CGNL1: variants seen among roughly 807,000 people sequenced by gnomAD.
CGNL1 encodes the protein cingulin like 1.
CGNL1 carries 132 observed loss-of-function variants against 141.2 expected under a neutral mutation model. The ratio of observed to expected loss-of-function variants is 0.93; its 90% CI spans 0.81 to 1.08. CGNL1 has a LOEUF of 1.08. CGNL1 is among the 50% of genes least tolerant of loss of function. The pLI, the probability that CGNL1 is intolerant of heterozygous loss-of-function variation, is 0.00. For synonymous variants in CGNL1, 690 were observed against 622.1 expected, an observed-to-expected ratio of 1.11 and a Z score of -1.63; for missense variants, 1,870 against 1,588.6, an observed-to-expected ratio of 1.18 and a Z score of -3.01.
At chr15:57,437,259 T>C (rs939473613) in intron 1 of CGNL1, among the ~76,000 whole-genome samples, 1 of 152,156 alleles carries the variant, frequency 6.6e-6, no homozygotes, top group African/African-American at 2.4e-5. Context: ...TAAATAATAT[T>C]TTCCAGATCA....
chr15:57,442,415 G>C lies in CGNL1; in HGVS notation c.1740G>C (p.Leu580Phe). ...NDDATKRKVN[L>F]VFEKIQTLKS... ...ATGCTACTAAAAGGAAAGTCAACTT[G>C]GTCTTTGAGAAAATCCAGACCTTAA... Residue 580 changes from leucine (L) to phenylalanine (F), a missense_variant, in exon 4 of 19, where the codon TTG becomes TTC. Coordinates refer to ENST00000281282, the MANE Select transcript of CGNL1 (RefSeq NM_032866.5). The C allele has an allele frequency of 1.2e-6, 2 of 1,613,584 alleles. No homozygotes were observed. The highest frequency in any genetic ancestry group is 2.2e-5 in the East Asian group (1 of 44,844).
rs1169306561 is a variant in CGNL1, at chr15:57,439,473, A to G, written c.1474A>G (p.Lys492Glu). The G allele has an allele frequency of 4.3e-6, 7 of 1,614,102 alleles. No homozygotes were observed. Among genetic ancestry groups the G allele is most frequent in the African/African-American group, 2.7e-5 (2 of 74,944 alleles). ...TGCGCCCTCCCTTGGTGCACAGAGT[A>G]AAAAGGAGGAGGAGGTGAAAACAGC... Reference protein sequence around the residue: ...IRAPSLGAQSKKEEEVKTATA... With the variant: ...IRAPSLGAQSEKEEEVKTATA... The change falls in exon 2 of 19, where the codon AAA becomes GAA. Residue 492 changes from lysine (K) to glutamate (E), a missense_variant. Lys to Glu is a moderately conservative substitution (Grantham distance 56). Transcript: ENST00000281282.
Position 57,391,148 on chromosome 15 carries a change from G to T in CGNL1, c.-16+14581G>T, listed in dbSNP as rs2062538210. 2.6e-5 allele frequency among the ~76,000 whole-genome samples: 4 copies of T among 152,284 alleles called. No homozygotes were observed. In the South Asian group the frequency reaches 8.3e-4, roughly 32 times the overall value. On this transcript the variant is annotated intron_variant, in intron 1 of 18. Coordinates refer to ENST00000281282, the MANE Select transcript of CGNL1 (RefSeq NM_032866.5). Reference sequence around the variant, plus strand: ...TGGCAGATGAGAGCCAGGCCACCCTGTTCCCAGTCTAGGGTCTGTCTTTCC... The same window carrying T: ...TGGCAGATGAGAGCCAGGCCACCCTTTTCCCAGTCTAGGGTCTGTCTTTCC...
At chr15:57,487,923 C>T (rs564242752) in intron 8 of CGNL1, among the ~76,000 whole-genome samples, 5 of 152,238 alleles carry the variant, frequency 3.3e-5, no homozygotes, top group African/African-American at 7.2e-5. Context: ...ATTTCTTTGG[C>T]GTGTATACCT....
intron 1 of CGNL1, among the ~76,000 whole-genome samples, chr15:57,437,619 C>CAAAAAAAAAAAAAAAAAAAA (rs540499763): frequency 1.4e-4 from 5 of 36,082 alleles, no homozygotes; most frequent in African/African-American, 3.6e-4. Context: ...AACTAAACAG[C>CAAAAAAAAAAAAAAAAAAAA]AAAAAAAAAA....
chr15:57,473,194 A>T (rs1358778140), intron 8 of CGNL1, among the ~76,000 whole-genome samples: 3 of 152,202 alleles, frequency 2.0e-5, no homozygotes, highest in Non-Finnish European at 4.4e-5. Context: ...AATCCTTAAC[A>T]TCTAAAGGAA....
At chr15:57,392,846 A>G (rs1402035196) in intron 1 of CGNL1, among the ~76,000 whole-genome samples, 2 of 152,202 alleles carry the variant, frequency 1.3e-5, no homozygotes, top group African/African-American at 2.4e-5. Context: ...TTTTAAAGGA[A>G]AAATAAAGTT....
At chr15:57,528,578 G>C in intron 12 of CGNL1, 76 bp from the exon 13 acceptor site, 2 of 1,488,506 alleles carry the variant, frequency 1.3e-6, no homozygotes, top group Non-Finnish European at 1.8e-6. Flanking sequence ...GGTGGGGTCA[G>C]CCTGTGCACT....
At chr15:57,480,546 T>C (rs2063712577) in intron 8 of CGNL1, among the ~76,000 whole-genome samples, 2 of 151,978 alleles carry the variant, frequency 1.3e-5, no homozygotes, top group African/African-American at 4.8e-5. Context: ...AAAGAAAATA[T>C]GCATTGAATG....
chr15:57,455,522 A>T (rs1242904764), intron 7 of CGNL1, among the ~76,000 whole-genome samples: 1 of 152,170 alleles, frequency 6.6e-6, no homozygotes, highest in Non-Finnish European at 1.5e-5. Context: ...ATTTTAACTC[A>T]CTTGACGTTG....
chr15:57,422,517 C>G (rs527897658), intron 1 of CGNL1, among the ~76,000 whole-genome samples: 1 of 152,110 alleles, frequency 6.6e-6, no homozygotes. Context: ...CAGTTAACCA[C>G]CCAAATGGAA....
At chr15:57,435,038 T>A (rs998137432) in intron 1 of CGNL1, among the ~76,000 whole-genome samples, 2 of 152,100 alleles carry the variant, frequency 1.3e-5, no homozygotes, top group African/African-American at 2.4e-5. Context: ...ACCTGATATT[T>A]TGATCATTTG....
At chr15:57,494,428 C>A (rs1471190358) in intron 8 of CGNL1, among the ~76,000 whole-genome samples, 2 of 152,146 alleles carry the variant, frequency 1.3e-5, no homozygotes, top group African/African-American at 4.8e-5. Flanking sequence ...CTGCCACCAC[C>A]CTTTTTCTTT....
chr15:57,462,205 G>A (rs1205537254), intron 8 of CGNL1, among the ~76,000 whole-genome samples: 6 of 152,168 alleles, frequency 3.9e-5, no homozygotes, highest in Non-Finnish European at 7.3e-5. Flanking sequence ...TCTCCCAGGC[G>A]TTCCTAACGG....
intron 8 of CGNL1, among the ~76,000 whole-genome samples, chr15:57,488,056 C>T (rs1222145935): frequency 2.6e-5 from 4 of 152,206 alleles, no homozygotes; most frequent in Non-Finnish European, 4.4e-5. Context: ...CATCCTCTCC[C>T]ACACTTGTTA....
chr15:57,450,405 T>C (rs1230856994), intron 4 of CGNL1, among the ~76,000 whole-genome samples: 1 of 152,158 alleles, frequency 6.6e-6, no homozygotes, highest in Non-Finnish European at 1.5e-5. Flanking sequence ...GCCTCCTGAG[T>C]AGCTGGGACT....
At chr15:57,476,750 C>A (rs937040323) in intron 8 of CGNL1, among the ~76,000 whole-genome samples, 11 of 152,256 alleles carry the variant, frequency 7.2e-5, no homozygotes, top group Middle Eastern at 3.4e-3. Flanking sequence ...TTGTTTGAAC[C>A]AGCATTATTA....
chr15:57,397,872 T>G (rs1044814640), intron 1 of CGNL1, among the ~76,000 whole-genome samples: 2 of 151,760 alleles, frequency 1.3e-5, no homozygotes, highest in Non-Finnish European at 1.5e-5. Flanking sequence ...AATCTCCACC[T>G]CCTGGGTTCA....
chr15:57,525,903 C>T (rs1251568488), intron 12 of CGNL1, among the ~76,000 whole-genome samples: 4 of 151,678 alleles, frequency 2.6e-5, no homozygotes, highest in African/African-American at 9.7e-5. Context: ...AAAAAAAAAT[C>T]ACATTCATTA....
Sources: gnomAD v4.1 joint callset for allele counts (sites outside exome capture counted in the v4.1 genomes callset) on GRCh38, gnomAD v4.1.1 for gene constraint, MANE v1.5 for transcripts, NCBI Gene and HGNC (gene_info 2026-07-23, HGNC 2026-07-21) for gene names.